The following COBLL1 variants were observed in gnomAD, a reference collection of about 807,000 sequenced individuals.
COBLL1 encodes the protein cordon-bleu protein-like 1.
Under a neutral mutation model 94.8 loss-of-function variants are expected in COBLL1, and 50 were observed. The ratio of observed to expected loss-of-function variants is 0.53; its 90% CI spans 0.42 to 0.67. The LOEUF (loss-of-function observed/expected upper bound fraction) is 0.67, where lower values mean the gene tolerates loss of function less well. COBLL1 is among the 30% of genes least tolerant of loss of function. The pLI, the probability that COBLL1 is intolerant of heterozygous loss-of-function variation, is 0.00. For missense variants in COBLL1, 1,362 were observed against 1,348.7 expected (o/e 1.01, Z -0.15); for synonymous variants, 448 against 473.8 (o/e 0.95, Z 0.71).
intron 3 of COBLL1, among the ~76,000 whole-genome samples, chr2:164,739,384 G>A (rs1180764181): frequency 6.6e-6 from 1 of 152,120 alleles, no homozygotes; most frequent in Non-Finnish European, 1.5e-5. Context: ...AACATCCTGA[G>A]CCCACCTGTG....
intron 7 of COBLL1, among the ~76,000 whole-genome samples, chr2:164,717,913 AAT>A (rs1685255521): frequency 6.6e-6 from 1 of 152,222 alleles, no homozygotes; most frequent in Non-Finnish European, 1.5e-5. Context: ...TGCATTATGC[AAT>A]GTACAGTATA....
At chr2:164,826,242 T>C (rs2105371858) in intron 2 of COBLL1, among the ~76,000 whole-genome samples, 1 of 152,356 alleles carries the variant, frequency 6.6e-6, no homozygotes, top group East Asian at 1.9e-4. Context: ...TAAAAGGGAA[T>C]GTGATTTTCA....
chr2:164,671,065 T>A (rs959998961), intron 1 of COBLL1, among the ~76,000 whole-genome samples: 1 of 152,152 alleles, frequency 6.6e-6, no homozygotes, highest in South Asian at 2.1e-4. Context: ...ATAGAGATGA[T>A]AAAACAGCAG....
intron 2 of COBLL1, among the ~76,000 whole-genome samples, chr2:164,779,032 T>C (rs1688608807): frequency 6.6e-6 from 1 of 152,178 alleles, no homozygotes; most frequent in Admixed American, 6.5e-5. Flanking sequence ...TTCAGGATTT[T>C]TGAATTTGAC....
chr2:164,746,674 A>T (rs537654832), intron 2 of COBLL1, among the ~76,000 whole-genome samples: 1 of 152,136 alleles, frequency 6.6e-6, no homozygotes, highest in East Asian at 1.9e-4. Context: ...CCCACAATAA[A>T]GTTGAAAAAT....
At chr2:164,752,598 A>G (rs906921931) in intron 2 of COBLL1, among the ~76,000 whole-genome samples, 2 of 152,168 alleles carry the variant, frequency 1.3e-5, no homozygotes, top group African/African-American at 4.8e-5. Context: ...TTTGCCCAAA[A>G]GCACAGAGAG....
chr2:164,748,047 T>A (rs1574513249), intron 2 of COBLL1, among the ~76,000 whole-genome samples: 1 of 152,204 alleles, frequency 6.6e-6, no homozygotes, highest in East Asian at 1.9e-4. Flanking sequence ...GGGAGCAGGA[T>A]CAAGGCATGC....
chr2:164,735,016 CA>C (rs1232799962), intron 3 of COBLL1, among the ~76,000 whole-genome samples: 3 of 152,136 alleles, frequency 2.0e-5, no homozygotes, highest in Non-Finnish European at 4.4e-5. Context: ...GAACCTTCCA[CA>C]GGAAGTGGAA....
intron 2 of COBLL1, among the ~76,000 whole-genome samples, chr2:164,809,137 T>C (rs191611457): frequency 3.3e-5 from 5 of 152,238 alleles, no homozygotes; most frequent in Non-Finnish European, 5.9e-5. Flanking sequence ...AAATTAGGTA[T>C]GAATAAGATT....
intron 7 of COBLL1, among the ~76,000 whole-genome samples, chr2:164,719,896 C>T (rs1222316148): frequency 6.6e-6 from 1 of 151,476 alleles, no homozygotes. Context: ...GGATTTAGTA[C>T]CTCCAAATTT....
chr2:164,735,628 G>A (rs935025264), intron 3 of COBLL1, among the ~76,000 whole-genome samples: 4 of 151,992 alleles, frequency 2.6e-5, no homozygotes, highest in Admixed American at 6.6e-5. Flanking sequence ...TGGAGCTGCC[G>A]CTGGGGTTAA....
At chr2:164,840,793 T>G (rs758328684) in intron 2 of COBLL1, 3 of 204,396 alleles carry the variant, frequency 1.5e-5, no homozygotes, top group African/African-American at 2.3e-5. Context: ...AGGAAACTTT[T>G]GCCCTCCCTC....
chr2:164,695,400 A>T lies in COBLL1; in HGVS notation c.1992T>A (p.Ile664=). The change falls in exon 12 of 14, where the codon ATT becomes ATA. Residue 664 remains isoleucine (I), a synonymous_variant. Coordinates refer to ENST00000652658, the MANE Select transcript of COBLL1 (RefSeq NM_001365672.2). ...CGGTAAGCGGATCTTCTGAATGTAT[A>T]ATTAGGGTGCCTTGACTCCTGAATT... ...SREFRSQGTL[I]IHSEDPLTVK... The T allele has an allele frequency of 6.2e-7, 1 of 1,613,904 alleles. No individual in the cohort carries two copies. The highest frequency in any genetic ancestry group is 8.5e-7 in the Non-Finnish European group (1 of 1,179,942).
At chr2:164,842,060 A>G, upstream of COBLL1, 1 of 1,509,682 alleles carries the variant, frequency 6.6e-7, no homozygotes, top group Non-Finnish European at 8.9e-7. Context: ...CGAGGGAAGC[A>G]GCGAGCCGGA....
At chr2:164,782,039 A>G (rs181056747) in intron 2 of COBLL1, among the ~76,000 whole-genome samples, 191 of 152,254 alleles carry the variant, frequency 1.3e-3, no homozygotes, top group African/African-American at 4.4e-3. Context: ...TGGAACTTTT[A>G]CCCTCATAAC....
Position 164,783,134 on chromosome 2 carries a change from G to C in COBLL1, c.42-39259C>G, listed in dbSNP as rs1688789445. Among the ~76,000 whole-genome samples the C allele has an allele frequency of 1.3e-5, 2 of 152,140 alleles. 1 individual carries two copies. Among genetic ancestry groups the C allele is most frequent in the African/African-American group, 4.8e-5 (2 of 41,418 alleles). Reference sequence around the variant, plus strand: ...GGCAAGATGAAGGACAGGCATGGTGGCTCACACCTATAATTCCATCACTTT... The same window carrying C: ...GGCAAGATGAAGGACAGGCATGGTGCCTCACACCTATAATTCCATCACTTT... On this transcript the variant is annotated intron_variant, in intron 2 of 13. Transcript: ENST00000652658.
At chr2:164,699,612 G>A in intron 10 of COBLL1, 113 bp from the exon 11 acceptor site, 1 of 611,684 alleles carries the variant, frequency 1.6e-6, no homozygotes, top group Middle Eastern at 2.6e-4. Context: ...TCCAAAGACA[G>A]ATGGACTAAA....
chr2:164,686,630 AG>A (rs1453243761), intron 13 of COBLL1, among the ~76,000 whole-genome samples: 1 of 152,114 alleles, frequency 6.6e-6, no homozygotes, highest in African/African-American at 2.4e-5. Context: ...TAAACTCCTA[AG>A]TTTCAAAATT....
chr2:164,797,563 C>G (rs1574606790), intron 2 of COBLL1, among the ~76,000 whole-genome samples: 1 of 152,252 alleles, frequency 6.6e-6, no homozygotes, highest in African/African-American at 2.4e-5. Context: ...TCTCTCTGAC[C>G]TTAAAGTCTA....
Sources: allele counts gnomAD v4.1 joint callset (sites outside exome capture counted in the v4.1 genomes callset), GRCh38; gene constraint gnomAD v4.1.1; transcripts MANE v1.5; gene names NCBI Gene and HGNC (gene_info 2026-07-23, HGNC 2026-07-21).